GSE1: variants seen among roughly 807,000 people sequenced by gnomAD.
GSE1 encodes genetic suppressor element 1.
GSE1 carries 32 observed loss-of-function variants against 112.6 expected under a neutral mutation model. That is an observed-to-expected ratio of 0.28 (90% CI 0.21 to 0.38). GSE1 has a LOEUF of 0.38. Ranked by LOEUF, GSE1 falls within the 10% of genes least tolerant of loss-of-function variation. The pLI is 1.00. For synonymous variants in GSE1, 1,115 were observed against 735.6 expected (o/e 1.52, Z -8.35); for missense variants, 2,348 against 1,699.2 (o/e 1.38, Z -6.71).
intron 1 of GSE1, among the ~76,000 whole-genome samples, chr16:85,294,910 G>GTTTT (rs138180011): frequency 6.6e-5 from 10 of 151,460 alleles, no homozygotes; most frequent in African/African-American, 2.4e-4. Context: ...GGGTTTTTTA[G>GTTTT]TTTTTGTTTT....
intron 1 of GSE1, among the ~76,000 whole-genome samples, chr16:85,577,305 G>T (rs1177239716): frequency 6.6e-6 from 1 of 152,208 alleles, no homozygotes; most frequent in Admixed American, 6.5e-5. Flanking sequence ...GAGGAGGGAG[G>T]ACGCGGTCCT....
chr16:85,478,922 TCTTTC>T (rs1567520879), intron 2 of GSE1, among the ~76,000 whole-genome samples: 11 of 51,096 alleles, frequency 2.2e-4, no homozygotes, highest in African/African-American at 9.5e-4. Flanking sequence ...TTTCTTTCTT[TCTTTC>T]TCTTTCTTTC....
chr16:85,640,835 G>A (rs954744907), intron 2 of GSE1, among the ~76,000 whole-genome samples: 3 of 152,268 alleles, frequency 2.0e-5, no homozygotes, highest in East Asian at 1.9e-4. Context: ...TCTGGAGCCC[G>A]TCTGTCTCCC....
chr16:85,495,885 G>A (rs1374844976), intron 2 of GSE1, among the ~76,000 whole-genome samples: 6 of 152,306 alleles, frequency 3.9e-5, no homozygotes, highest in Admixed American at 3.3e-4. Flanking sequence ...CTGAGTTTGA[G>A]GCCTGCCAGA....
At chr16:85,664,811 A>AT in intron 11 of GSE1, 1 of 570,038 alleles carries the variant, frequency 1.8e-6, no homozygotes, top group Non-Finnish European at 3.1e-6. Context: ...CGTCTAGGAC[A>AT]TTGTGTAGTG....
At chr16:85,409,370 C>G (rs1436724882) in intron 2 of GSE1, among the ~76,000 whole-genome samples, 1 of 32,544 alleles carries the variant, frequency 3.1e-5, no homozygotes. Flanking sequence ...CTGTTACACT[C>G]AGGCCCCCTG....
At chr16:85,551,729 G>C (rs1428659041), upstream of GSE1, among the ~76,000 whole-genome samples, 1 of 152,228 alleles carries the variant, frequency 6.6e-6, no homozygotes, top group Non-Finnish European at 1.5e-5. Context: ...CCAGATCCAG[G>C]GCCAAAGGAG....
chr16:85,396,910 C>G (rs1460425945), intron 2 of GSE1, among the ~76,000 whole-genome samples: 1 of 152,074 alleles, frequency 6.6e-6, no homozygotes, highest in Non-Finnish European at 1.5e-5. Flanking sequence ...AAAGAGACAG[C>G]GTGAGATGGT....
rs1332513605 is a variant in GSE1 at position 85,379,100 on chromosome 16, T to TGCATTCTCCCC, written c.2464+21460_2464+21461insTTCTCCCCGCA. ...TCTCCCCAGAGAGCTGCCATCTCCCTGCACTCTCCCCAGAGAGCTGCTATC... is the reference window on the plus strand; with the variant it reads ...TCTCCCCAGAGAGCTGCCATCTCCCTGCATTCTCCCCGCACTCTCCCCAGAGAGCTGCTATC... On this transcript the variant is annotated intron_variant, in intron 2 of 2. Transcript: ENST00000637419. 2.0e-5 allele frequency among the ~76,000 whole-genome samples: 3 copies of TGCATTCTCCCC among 152,268 alleles called. No individual in the cohort carries two copies. In the East Asian group the frequency reaches 5.8e-4, roughly 29 times the overall value.
exon 1 of GSE1, chr16:85,556,129 A>T (rs926005828): frequency 2.0e-5 from 19 of 945,758 alleles, no homozygotes; most frequent in Non-Finnish European, 2.2e-5. Context: ...GAGCCTTTTG[A>T]TCATCTTGCG....
intron 11 of GSE1, chr16:85,664,524 G>A (rs150788544): frequency 6.6e-6 from 1 of 152,568 alleles, no homozygotes. Context: ...CAGCCCTTGA[G>A]TTTCACAGTC....
At chr16:85,443,173 G>A (rs1270511271) in intron 2 of GSE1, among the ~76,000 whole-genome samples, 2 of 152,188 alleles carry the variant, frequency 1.3e-5, no homozygotes, top group South Asian at 2.1e-4. Context: ...GGGGGGCACC[G>A]GCCAGCCCGG....
chr16:85,461,953 T>G lies in GSE1; in HGVS notation c.2464+104310T>G, dbSNP rs1430881351. On this transcript the variant is annotated intron_variant, in intron 2 of 2. Transcript: ENST00000637419. Reference sequence around the variant, plus strand: ...TGGCTCTCAGCGCAGCTTGATTTAGTAGGCGGTGGAGGAGAAAGGCAGCTT... The same window carrying G: ...TGGCTCTCAGCGCAGCTTGATTTAGGAGGCGGTGGAGGAGAAAGGCAGCTT... Among the ~76,000 whole-genome samples the G allele has an allele frequency of 3.9e-5, 6 of 152,106 alleles. No homozygotes were observed. The East Asian group carries it at 1.2e-3, about 30-fold the overall frequency.
chr16:85,488,952 T>C (rs1567530423), intron 2 of GSE1, among the ~76,000 whole-genome samples: 1 of 151,804 alleles, frequency 6.6e-6, no homozygotes, highest in Non-Finnish European at 1.5e-5. Flanking sequence ...TGGCCTTTCG[T>C]TTTTAAGTTG....
intron 2 of GSE1, among the ~76,000 whole-genome samples, chr16:85,474,379 G>C (rs12931428): frequency 0.8 from 122,291 of 152,092 alleles, 51,540 homozygotes; most frequent in Non-Finnish European, 0.92. Flanking sequence ...AGCTGCTGTT[G>C]CTGGGAGCCA....
At chr16:85,338,403 G>A (rs952495768) in intron 1 of GSE1, among the ~76,000 whole-genome samples, 1 of 152,304 alleles carries the variant, frequency 6.6e-6, no homozygotes, top group East Asian at 1.9e-4. Flanking sequence ...GACAGCGTAT[G>A]TGTGCAGAGC....
rs188562626 is a variant in GSE1 at position 85,384,378 on chromosome 16, G to C, written c.2464+26735G>C. ...AAGGGCTCCACTTCCTCCCACCTCT[G>C]CTGTTTACTGGCTGTGTGACCTCAG... On this transcript the variant is annotated intron_variant, in intron 2 of 2. Coordinates refer to the GSE1 transcript ENST00000637419. 9.0e-4 allele frequency among the ~76,000 whole-genome samples: 137 copies of C among 152,354 alleles called. No homozygotes were observed. In the Middle Eastern group the frequency reaches 0.01, roughly 11 times the overall value.
chr16:85,243,070 C>T (rs1274475360), intron 1 of GSE1, among the ~76,000 whole-genome samples: 1 of 152,206 alleles, frequency 6.6e-6, no homozygotes, highest in Non-Finnish European at 1.5e-5. Context: ...TCCTTGGCTT[C>T]CCAAAGTGCT....
intron 1 of GSE1, among the ~76,000 whole-genome samples, chr16:85,229,069 A>G (rs2075537480): frequency 6.6e-6 from 1 of 152,204 alleles, no homozygotes; most frequent in Admixed American, 6.5e-5. Context: ...GAGGAAACAC[A>G]TCCGCTGGGG....
Sources: allele counts gnomAD v4.1 joint callset (sites outside exome capture counted in the v4.1 genomes callset), GRCh38; gene constraint gnomAD v4.1.1; transcripts MANE v1.5; gene names NCBI Gene and HGNC (gene_info 2026-07-23, HGNC 2026-07-21).